Variants in ACSS3 observed in about 807,000 individuals in gnomAD.
ACSS3 encodes acyl-CoA synthetase short-chain family member 3, mitochondrial.
ACSS3 carries 64 observed loss-of-function variants against 84.2 expected under a neutral mutation model. The ratio of observed to expected loss-of-function variants is 0.76; its 90% CI spans 0.62 to 0.94. ACSS3 has a LOEUF of 0.94. Among genes scored for constraint, ACSS3 ranks in the 40% least tolerant of loss-of-function variants. ACSS3 has a pLI of 0.00. For synonymous variants in ACSS3, 317 were observed against 310.1 expected, an observed-to-expected ratio of 1.02 and a Z score of -0.23; for missense variants, 815 against 867.6, an observed-to-expected ratio of 0.94 and a Z score of 0.76.
At chr12:81,150,690 T>A (rs1459095567) in intron 5 of ACSS3, among the ~76,000 whole-genome samples, 2 of 152,186 alleles carry the variant, frequency 1.3e-5, no homozygotes, top group South Asian at 4.1e-4. Context: ...AATAAAATAA[T>A]GTTCCACAGC....
intron 9 of ACSS3, among the ~76,000 whole-genome samples, chr12:81,211,207 T>C (rs2032578073): frequency 6.6e-6 from 1 of 152,170 alleles, no homozygotes. Flanking sequence ...ATCAAACTTG[T>C]AGGCTCAAGC....
At chr12:81,183,395 G>A (rs903377623) in intron 8 of ACSS3, among the ~76,000 whole-genome samples, 1 of 152,064 alleles carries the variant, frequency 6.6e-6, no homozygotes, top group South Asian at 2.1e-4. Context: ...CAACAAGAAA[G>A]GAAAAAGGAA....
intron 13 of ACSS3, among the ~76,000 whole-genome samples, chr12:81,235,954 C>T (rs754343000): frequency 1.3e-5 from 2 of 151,202 alleles, no homozygotes; most frequent in Non-Finnish European, 3.0e-5. Flanking sequence ...AATCTGAATG[C>T]TTTTTTTGGT....
intron 9 of ACSS3, among the ~76,000 whole-genome samples, chr12:81,212,726 T>C (rs1486096387): frequency 6.6e-6 from 1 of 152,220 alleles, no homozygotes; most frequent in African/African-American, 2.4e-5. Flanking sequence ...CTTCCCTGTT[T>C]TTACTTCAGA....
chr12:81,145,479 T>G (rs1320538240), intron 5 of ACSS3, among the ~76,000 whole-genome samples: 2 of 152,144 alleles, frequency 1.3e-5, no homozygotes, highest in East Asian at 3.9e-4. Flanking sequence ...GAACTAGGTA[T>G]GAACATAGGT....
chr12:81,078,089 G>A lies in ACSS3; in HGVS notation c.-32G>A. ...GGAAGTTGCAAGAGTACCATTTGTCGCACACTCGGGGACCGCGGGTGGCCG... is the reference window on the plus strand; with the variant it reads ...GGAAGTTGCAAGAGTACCATTTGTCACACACTCGGGGACCGCGGGTGGCCG... On this transcript the variant is annotated 5_prime_UTR_variant, in exon 1 of 16. Coordinates refer to ENST00000548058, the MANE Select transcript of ACSS3 (RefSeq NM_024560.4). 1 of 1,448,576 alleles carries A rather than the reference G, an allele frequency of 6.9e-7. No individual in the cohort carries two copies. The allele number at this position is 1,448,576 out of a possible 1,614,324, so 89.7% of individuals were successfully genotyped here.
Position 81,256,020 on chromosome 12 carries a change from GT to G in ACSS3, c.*1102del, listed in dbSNP as rs2034282917. 6.6e-6 allele frequency: 1 copy of G among 152,142 alleles called. No homozygotes were observed. Among genetic ancestry groups the G allele is most frequent in the African/African-American group, 2.4e-5 (1 of 41,422 alleles). 9.4% of individuals were successfully genotyped at this position (152,142 alleles called of 1,614,324 possible). ...AAACTCTTAAGAGAGAAACATCAAG[GT>G]TTTCACATTAGGTTAAAGACAAGAA... On this transcript the variant is annotated 3_prime_UTR_variant, in exon 16 of 16. Coordinates refer to ENST00000548058, the MANE Select transcript of ACSS3 (RefSeq NM_024560.4).
intron 7 of ACSS3, among the ~76,000 whole-genome samples, chr12:81,166,857 T>G (rs1355717182): frequency 6.6e-6 from 1 of 152,260 alleles, no homozygotes; most frequent in Non-Finnish European, 1.5e-5. Flanking sequence ...CTTCACTTCC[T>G]GGGCAGAAGT....
chr12:81,213,841 CTCTCCTCTCCTCT>C (rs2032747647), intron 9 of ACSS3, among the ~76,000 whole-genome samples: 1 of 72,680 alleles, frequency 1.4e-5, no homozygotes, highest in African/African-American at 4.3e-5. Flanking sequence ...CTCTTCTCTT[CTCTCCTCTCCTCT>C]CTTCTCTTCC....
At chr12:81,099,289 G>A (rs1256372869) in intron 1 of ACSS3, among the ~76,000 whole-genome samples, 1 of 152,104 alleles carries the variant, frequency 6.6e-6, no homozygotes, top group Non-Finnish European at 1.5e-5. Context: ...GAAGACCCAT[G>A]TATATAGGAG....
intron 4 of ACSS3, among the ~76,000 whole-genome samples, chr12:81,139,699 G>A (rs566963496): frequency 7.0e-4 from 105 of 150,440 alleles, no homozygotes; most frequent in Middle Eastern, 3.5e-3. Context: ...TGCAGTGGCC[G>A]ATGTCCGCTC....
intron 1 of ACSS3, among the ~76,000 whole-genome samples, chr12:81,079,768 A>G (rs1204701439): frequency 6.6e-6 from 1 of 152,196 alleles, no homozygotes; most frequent in African/African-American, 2.4e-5. Flanking sequence ...TTGGCTTCTC[A>G]CAGTTACTGA....
rs186095806 is a variant in ACSS3 at position 81,179,688 on chromosome 12, G to A, written c.1250+4749G>A. Among the ~76,000 whole-genome samples, 8 of 149,702 alleles carry A rather than the reference G, an allele frequency of 5.3e-5. No homozygotes were observed. The South Asian group carries it at 6.3e-4, about 12-fold the overall frequency. On this transcript the variant is annotated intron_variant, in intron 8 of 15. Coordinates refer to ENST00000548058, the MANE Select transcript of ACSS3 (RefSeq NM_024560.4). ...GGAGAGGCTGAGGCAGGAGAATGGC[G>A]TGAACCCGGGAGGTGGAGCTTGCAG...
At chr12:81,167,068 G>A (rs1056652831) in intron 7 of ACSS3, among the ~76,000 whole-genome samples, 5 of 152,208 alleles carry the variant, frequency 3.3e-5, no homozygotes, top group Non-Finnish European at 7.3e-5. Flanking sequence ...AGGGGTAAAT[G>A]CTCTCTGTGA....
At chr12:81,110,101 C>T (rs530008310) in intron 2 of ACSS3, among the ~76,000 whole-genome samples, 1 of 152,260 alleles carries the variant, frequency 6.6e-6, no homozygotes, top group Non-Finnish European at 1.5e-5. Context: ...CCAGGGTGTT[C>T]TTCCTAAGAA....
chr12:81,159,290 A>T (rs1887032901), intron 7 of ACSS3, among the ~76,000 whole-genome samples: 1 of 152,152 alleles, frequency 6.6e-6, no homozygotes, highest in Admixed American at 6.5e-5. Context: ...TCAAATCAAG[A>T]ATATAAGCTC....
chr12:81,094,454 TCCC>T, intron 1 of ACSS3: 1 of 152,308 alleles, frequency 6.6e-6, no homozygotes. Flanking sequence ...CAATTGACGC[TCCC>T]TGTGTATCTC....
intron 1 of ACSS3, among the ~76,000 whole-genome samples, chr12:81,107,550 AT>A (rs1883164332): frequency 9.2e-6 from 1 of 109,262 alleles, no homozygotes; most frequent in African/African-American, 3.5e-5. Context: ...ATATATATAT[AT>A]ATATATATAA....
At chr12:81,127,581 T>C (rs1885188455) in intron 2 of ACSS3, among the ~76,000 whole-genome samples, 1 of 152,208 alleles carries the variant, frequency 6.6e-6, no homozygotes, top group African/African-American at 2.4e-5. Context: ...TCCATACTTT[T>C]AGTAATCTGT....
Sources: gnomAD v4.1 joint callset for allele counts (sites outside exome capture counted in the v4.1 genomes callset) on GRCh38, gnomAD v4.1.1 for gene constraint, MANE v1.5 for transcripts, NCBI Gene and HGNC (gene_info 2026-07-23, HGNC 2026-07-21) for gene names.